The following MBOAT2 variants were observed in gnomAD, a reference collection of about 807,000 sequenced individuals.
The protein encoded by MBOAT2 is membrane bound glycerophospholipid O-acyltransferase 2, also known as membrane-bound glycerophospholipid O-acyltransferase 2.
MBOAT2 carries 28 observed loss-of-function variants against 63.4 expected under a neutral mutation model. The observed-to-expected ratio is 0.44, with a 90% CI of 0.33 to 0.61. The LOEUF (loss-of-function observed/expected upper bound fraction) is 0.61. Ranked by LOEUF, MBOAT2 falls within the 20% of genes least tolerant of loss-of-function variation. The pLI is 0.03. For missense variants in MBOAT2, 470 were observed against 605.8 expected, an observed-to-expected ratio of 0.78 and a Z score of 2.35; for synonymous variants, 211 against 215.6, an observed-to-expected ratio of 0.98 and a Z score of 0.19.
At chr2:8,982,161 CTAATG>C (rs1671241449) in intron 1 of MBOAT2, among the ~76,000 whole-genome samples, 1 of 152,084 alleles carries the variant, frequency 6.6e-6, no homozygotes, top group East Asian at 1.9e-4. Flanking sequence ...CATGAAAACG[CTAATG>C]TATGACCCAC....
At position 8,938,833 on chromosome 2, in the gene MBOAT2, C is replaced by G. The variant is rs1395983415; in HGVS notation, c.299+4354G>C. Among the ~76,000 whole-genome samples the G allele has an allele frequency of 2.6e-5, 4 of 152,334 alleles. No homozygotes were observed. The East Asian group carries it at 7.7e-4, about 29-fold the overall frequency. On this transcript the variant is annotated intron_variant, in intron 3 of 12. Coordinates refer to ENST00000305997, the MANE Select transcript of MBOAT2 (RefSeq NM_138799.4). ...GCCTCTGCCTGTGCTGTCCACCCTGCAGTAAAGTCTGCCCTTGCTACCTCT... is the reference window on the plus strand; with the variant it reads ...GCCTCTGCCTGTGCTGTCCACCCTGGAGTAAAGTCTGCCCTTGCTACCTCT...
intron 8 of MBOAT2, among the ~76,000 whole-genome samples, chr2:8,869,777 C>G (rs902149906): frequency 6.6e-6 from 1 of 152,212 alleles, no homozygotes; most frequent in African/African-American, 2.4e-5. Context: ...ACCGCATGGG[C>G]AGCATACCCA....
intron 4 of MBOAT2, among the ~76,000 whole-genome samples, chr2:8,896,154 G>A (rs1315121980): frequency 1.3e-5 from 2 of 151,652 alleles, no homozygotes; most frequent in African/African-American, 2.4e-5. Context: ...CAGAAGAATG[G>A]CGTGAACCCG....
intron 6 of MBOAT2, among the ~76,000 whole-genome samples, chr2:8,881,372 T>C (rs1359332616): frequency 6.6e-6 from 1 of 151,830 alleles, no homozygotes; most frequent in African/African-American, 2.4e-5. Flanking sequence ...CTTAGAAGAG[T>C]GTGGGCAAGT....
intron 1 of MBOAT2, among the ~76,000 whole-genome samples, chr2:8,983,023 A>G (rs1339174621): frequency 6.6e-6 from 1 of 152,154 alleles, no homozygotes; most frequent in Non-Finnish European, 1.5e-5. Context: ...GCCACAATAC[A>G]ACTATCCGCA....
chr2:8,974,480 C>G, intron 1 of MBOAT2: 1 of 454,982 alleles, frequency 2.2e-6, no homozygotes, highest in Non-Finnish European at 4.4e-6. Context: ...ATTAAAGAAC[C>G]CAGGCCTTGA....
intron 4 of MBOAT2, among the ~76,000 whole-genome samples, chr2:8,905,618 A>G (rs1241737384): frequency 2.0e-5 from 3 of 152,124 alleles, no homozygotes; most frequent in African/African-American, 7.2e-5. Context: ...GAACACTTGG[A>G]CATAGGGAGG....
At chr2:8,891,284 G>A (rs1558579296) in intron 4 of MBOAT2, among the ~76,000 whole-genome samples, 1 of 152,190 alleles carries the variant, frequency 6.6e-6, no homozygotes, top group Non-Finnish European at 1.5e-5. Flanking sequence ...ATGAAAATAA[G>A]AAAGGATTAT....
At chr2:8,879,506 C>CTCAT (rs1662949762) in intron 6 of MBOAT2, among the ~76,000 whole-genome samples, 2 of 152,150 alleles carry the variant, frequency 1.3e-5, no homozygotes, top group South Asian at 2.1e-4. Flanking sequence ...AAACAAAAGA[C>CTCAT]TCATTCATTC....
chr2:8,955,474 T>G (rs1279589220), intron 2 of MBOAT2, among the ~76,000 whole-genome samples: 2 of 152,224 alleles, frequency 1.3e-5, no homozygotes, highest in Admixed American at 6.5e-5. Context: ...GCCAGCATTC[T>G]CTTCAGGATC....
chr2:8,941,503 G>C (rs1214711884), intron 3 of MBOAT2, among the ~76,000 whole-genome samples: 1 of 152,070 alleles, frequency 6.6e-6, no homozygotes, highest in Admixed American at 6.5e-5. Context: ...GTGAGCACTT[G>C]AAATGTGGCT....
At chr2:8,975,332 G>A (rs933301283) in intron 1 of MBOAT2, among the ~76,000 whole-genome samples, 6 of 151,966 alleles carry the variant, frequency 3.9e-5, no homozygotes, top group Non-Finnish European at 5.9e-5. Context: ...ATTTCTGTAC[G>A]TGCTTATATT....
chr2:8,972,426 C>A (rs1057260399), intron 1 of MBOAT2, among the ~76,000 whole-genome samples: 3 of 152,142 alleles, frequency 2.0e-5, no homozygotes, highest in African/African-American at 7.2e-5. Flanking sequence ...TAGAAGAAAA[C>A]CTAGGCAATA....
chr2:8,885,435 T>C (rs1663479206), intron 5 of MBOAT2, among the ~76,000 whole-genome samples: 1 of 152,216 alleles, frequency 6.6e-6, no homozygotes, highest in Non-Finnish European at 1.5e-5. Flanking sequence ...TATGCAAATA[T>C]TCCAAAACCC....
At chr2:8,943,062 A>G in intron 3 of MBOAT2, 125 bp downstream of exon 3, 1 of 559,404 alleles carries the variant, frequency 1.8e-6, no homozygotes, top group East Asian at 3.3e-5. Flanking sequence ...TGTATTTATG[A>G]CAATTCTTCT....
rs558816386 is a variant in MBOAT2, at chr2:8,871,097, C to T, written c.883+2011G>A. Among the ~76,000 whole-genome samples, 191 of 152,094 alleles carry T rather than the reference C, an allele frequency of 1.3e-3. 1 individual carries two copies. Among genetic ancestry groups the T allele is most frequent in the Non-Finnish European group, 2.2e-3 (150 of 67,996 alleles). On this transcript the variant is annotated intron_variant, in intron 8 of 12. Coordinates refer to ENST00000305997, the MANE Select transcript of MBOAT2 (RefSeq NM_138799.4). ...GCAGCCTCAACTTCCCTGGCTAAAG[C>T]GGTACTCCCACCTCAGACTCCTGAG... is the stretch of plus-strand genomic sequence containing the variant.
chr2:8,933,141 A>G (rs2103209270), intron 3 of MBOAT2, among the ~76,000 whole-genome samples: 1 of 152,000 alleles, frequency 6.6e-6, no homozygotes, highest in African/African-American at 2.4e-5. Context: ...TTTTTCTTTC[A>G]GTGTTCTGGC....
chr2:8,986,549 G>T (rs1671583266), intron 1 of MBOAT2, among the ~76,000 whole-genome samples: 1 of 151,700 alleles, frequency 6.6e-6, no homozygotes, highest in Non-Finnish European at 1.5e-5. Flanking sequence ...GGGGAGACAG[G>T]GCGAGATTCT....
chr2:8,964,269 T>A (rs2103290897), intron 1 of MBOAT2, among the ~76,000 whole-genome samples: 1 of 152,374 alleles, frequency 6.6e-6, no homozygotes, highest in Middle Eastern at 3.4e-3. Flanking sequence ...TTGTATTGCT[T>A]TGAATATTTT....
Sources: gnomAD v4.1 joint callset for allele counts (sites outside exome capture counted in the v4.1 genomes callset) on GRCh38, gnomAD v4.1.1 for gene constraint, MANE v1.5 for transcripts, NCBI Gene and HGNC (gene_info 2026-07-23, HGNC 2026-07-21) for gene names.